Variants in IL1RAPL2 observed in about 807,000 individuals in gnomAD.
The protein encoded by IL1RAPL2 is X-linked interleukin-1 receptor accessory protein-like 2.
In IL1RAPL2, 3 loss-of-function variants were observed where a neutral mutation model predicts 44.1. The observed-to-expected ratio is 0.07, with a 90% CI of 0.03 to 0.18. IL1RAPL2 has a LOEUF of 0.18. Among genes scored for constraint, IL1RAPL2 ranks in the 10% least tolerant of loss-of-function variants. IL1RAPL2 has a pLI of 1.00. For synonymous variants in IL1RAPL2, 181 were observed against 178.8 expected (o/e 1.01, Z -0.10); for missense variants, 391 against 496.4 (o/e 0.79, Z 2.02).
rs141830049 is a variant in IL1RAPL2, at chrX:105,297,600, C to T, written c.697+30059C>T. On this transcript the variant is annotated intron_variant, in intron 5 of 10. Coordinates refer to ENST00000372582, the MANE Select transcript of IL1RAPL2 (RefSeq NM_017416.2). ...GAAGCGCCAGACACTTATCAAACAACCAGATCTCATGAGAACTCCTTCACT... is the reference window on the plus strand; with the variant it reads ...GAAGCGCCAGACACTTATCAAACAATCAGATCTCATGAGAACTCCTTCACT... Among the ~76,000 whole-genome samples, 72 of 110,585 alleles carry T rather than the reference C, an allele frequency of 6.5e-4. No homozygotes were observed. The Middle Eastern group carries it at 0.019, about 29-fold the overall frequency.
At chrX:105,126,583 C>T (rs1450429935) in intron 2 of IL1RAPL2, among the ~76,000 whole-genome samples, 2 of 111,320 alleles carry the variant, frequency 1.8e-5, no homozygotes, top group Non-Finnish European at 3.8e-5. Context: ...AAGTTCCAAG[C>T]TAGTTTCTTT....
At chrX:105,670,105 GTATA>G (rs1171872748) in intron 6 of IL1RAPL2, among the ~76,000 whole-genome samples, 1,802 of 11,632 alleles carry the variant, frequency 0.15, 183 homozygotes, top group East Asian at 0.32. Context: ...TGGGTTTCCT[GTATA>G]TATATATATA....
intron 1 of IL1RAPL2, among the ~76,000 whole-genome samples, chrX:104,639,960 G>A (rs1468848171): frequency 2.7e-5 from 3 of 111,555 alleles, no homozygotes; most frequent in Non-Finnish European, 3.8e-5. Context: ...AATGTGCTAT[G>A]GAGAAGACCT....
intron 5 of IL1RAPL2, among the ~76,000 whole-genome samples, chrX:105,301,432 T>C (rs1225176762): frequency 1.8e-5 from 2 of 111,293 alleles, no homozygotes; most frequent in African/African-American, 3.3e-5. Flanking sequence ...ATTTTTGTTA[T>C]TTTAAAATGT....
At position 105,205,404 on chromosome X, in the gene IL1RAPL2, C is replaced by T. The variant is rs61130530; in HGVS notation, c.356+9656C>T. On this transcript the variant is annotated intron_variant, in intron 3 of 10. Transcript: ENST00000372582. ...AGAAGTTCGAGACCAGCCTGGCCAACGTGGTGTAACCCCTGTCTCTACTAA... is the reference window on the plus strand; with the variant it reads ...AGAAGTTCGAGACCAGCCTGGCCAATGTGGTGTAACCCCTGTCTCTACTAA... Among the ~76,000 whole-genome samples, 797 of 106,004 alleles carry T rather than the reference C, an allele frequency of 7.5e-3. 7 individuals carry two copies. Among genetic ancestry groups the T allele is most frequent in the African/African-American group, 0.026 (768 of 29,141 alleles). The allele number at this position is 106,004 out of a possible 115,157, so 92.1% of individuals were successfully genotyped here.
rs1273561853 is a variant in IL1RAPL2, at chrX:105,755,230, T to A, written c.1246T>A (p.Leu416Ile). 7 of 1,198,782 alleles carry A rather than the reference T, an allele frequency of 5.8e-6. No homozygotes were observed. The highest frequency in any genetic ancestry group is 5.6e-6 in the Non-Finnish European group (5 of 885,190). ...TTACACAAAAGTGGACCAAGATACT[T>A]TAGACTGTGACAATCCTGAAGAAGA... ...LSYTKVDQDT[L>I]DCDNPEEEQF... The change falls in exon 10 of 11, where the codon TTA becomes ATA. Residue 416 changes from leucine (L) to isoleucine (I), a missense_variant. Leu to Ile is a conservative substitution (Grantham distance 5, BLOSUM62 2). This residue lies in a region of IL1RAPL2 where 232 missense variants were observed against 244.8 expected (regional missense o/e 0.95). Transcript: ENST00000372582.
chrX:105,730,339 T>C (rs2038395804), intron 7 of IL1RAPL2, among the ~76,000 whole-genome samples: 1 of 111,276 alleles, frequency 9.0e-6, no homozygotes, highest in South Asian at 3.7e-4. Flanking sequence ...TTTGTGCACC[T>C]AACACAGGAG....
intron 2 of IL1RAPL2, among the ~76,000 whole-genome samples, chrX:105,102,973 G>C (rs898803060): frequency 4.5e-5 from 5 of 111,597 alleles, no homozygotes; most frequent in Admixed American, 3.8e-4. Flanking sequence ...ACTATAATGA[G>C]GAAGCCTGGA....
Position 105,377,117 on chromosome X carries a change from A to G in IL1RAPL2, c.698-107196A>G, listed in dbSNP as rs1421815464. ...CAAATTTCTATAGTTACACAAGCTTAGAGGATGTGTCTGTGTTGTCTATAC... is the reference window on the plus strand; with the variant it reads ...CAAATTTCTATAGTTACACAAGCTTGGAGGATGTGTCTGTGTTGTCTATAC... On this transcript the variant is annotated intron_variant, in intron 5 of 10. Coordinates refer to ENST00000372582, the MANE Select transcript of IL1RAPL2 (RefSeq NM_017416.2). Among the ~76,000 whole-genome samples, 3 of 111,693 alleles carry G rather than the reference A, an allele frequency of 2.7e-5. No individual in the cohort carries two copies. The East Asian group carries it at 8.4e-4, about 31-fold the overall frequency.
At chrX:105,539,447 G>T (rs2036703364) in intron 6 of IL1RAPL2, among the ~76,000 whole-genome samples, 2 of 111,479 alleles carry the variant, frequency 1.8e-5, no homozygotes, top group African/African-American at 6.5e-5. Flanking sequence ...TCAATAAATG[G>T]CGCTGGGATA....
At chrX:104,897,348 C>T (rs955250143) in intron 2 of IL1RAPL2, among the ~76,000 whole-genome samples, 7 of 111,991 alleles carry the variant, frequency 6.3e-5, no homozygotes, top group African/African-American at 1.3e-4. Context: ...TGGTCTTTGT[C>T]GTATCATGAT....
intron 2 of IL1RAPL2, among the ~76,000 whole-genome samples, chrX:104,961,808 A>T (rs1012583901): frequency 8.9e-6 from 1 of 112,025 alleles, no homozygotes; most frequent in Non-Finnish European, 1.9e-5. Context: ...TGCCTGGCCC[A>T]GAATAGGCAC....
chrX:104,978,021 CT>C (rs2030369998), intron 2 of IL1RAPL2, among the ~76,000 whole-genome samples: 1 of 111,286 alleles, frequency 9.0e-6, no homozygotes, highest in Non-Finnish European at 1.9e-5. Context: ...CACTTTTTCC[CT>C]GTTTCAGCTA....
chrX:105,264,987 C>G (rs1353060492), intron 4 of IL1RAPL2, among the ~76,000 whole-genome samples: 1 of 112,136 alleles, frequency 8.9e-6, no homozygotes, highest in African/African-American at 3.2e-5. Context: ...CGATCATTCC[C>G]AAAGAACATA....
intron 2 of IL1RAPL2, among the ~76,000 whole-genome samples, chrX:104,944,443 G>A (rs1236541113): frequency 1.8e-5 from 2 of 111,712 alleles, no homozygotes; most frequent in African/African-American, 6.5e-5. Context: ...ATCTTTTACA[G>A]CCTAGCAAAG....
At chrX:105,554,377 A>C (rs1291675755) in intron 6 of IL1RAPL2, among the ~76,000 whole-genome samples, 1 of 112,339 alleles carries the variant, frequency 8.9e-6, no homozygotes, top group African/African-American at 3.2e-5. Flanking sequence ...AATTTTGCTT[A>C]TAATTTTGAT....
intron 1 of IL1RAPL2, among the ~76,000 whole-genome samples, chrX:104,608,816 GTGTCTT>G (rs1929080911): frequency 9.1e-6 from 1 of 110,467 alleles, no homozygotes; most frequent in Admixed American, 9.6e-5. Flanking sequence ...TTGCCAGTCT[GTGTCTT>G]TCAATTGGGG....
chrX:104,885,476 C>A (rs1265352344), intron 2 of IL1RAPL2, among the ~76,000 whole-genome samples: 1 of 111,896 alleles, frequency 8.9e-6, no homozygotes, highest in Non-Finnish European at 1.9e-5. Context: ...AATATACTCC[C>A]CTGTCACCCA....
At chrX:105,542,755 A>G (rs1313558795) in intron 6 of IL1RAPL2, among the ~76,000 whole-genome samples, 1 of 86,726 alleles carries the variant, frequency 1.2e-5, no homozygotes, top group Non-Finnish European at 2.2e-5. Flanking sequence ...TTTTTTTGAG[A>G]CGGAGTCTCG....
Sources: allele counts gnomAD v4.1 joint callset (sites outside exome capture counted in the v4.1 genomes callset), GRCh38; gene constraint gnomAD v4.1.1; regional missense constraint gnomAD v4.1.1; transcripts MANE v1.5; gene names NCBI Gene and HGNC (gene_info 2026-07-23, HGNC 2026-07-21).